The following SFXN4 variants were observed in gnomAD, a reference collection of about 807,000 sequenced individuals.
SFXN4 encodes sideroflexin-4.
SFXN4 carries 48 observed loss-of-function variants against 54.6 expected under a neutral mutation model. That is an observed-to-expected ratio of 0.88 (90% CI 0.70 to 1.12). SFXN4 has a LOEUF of 1.12. Among genes scored for constraint, SFXN4 ranks in the 50% most tolerant of loss-of-function variants. The pLI is 0.00. For synonymous variants in SFXN4, 130 were observed against 145.5 expected (o/e 0.89, Z 0.77); for missense variants, 383 against 409.2 (o/e 0.94, Z 0.55).
intron 6 of SFXN4, among the ~76,000 whole-genome samples, chr10:119,158,995 A>G (rs1847399986): frequency 6.7e-6 from 1 of 150,088 alleles, no homozygotes; most frequent in Admixed American, 6.6e-5. Flanking sequence ...AAAACAAAAA[A>G]CGGTCCAGGC....
At chr10:119,146,937 G>C (rs183863587) in intron 12 of SFXN4, among the ~76,000 whole-genome samples, 3 of 152,110 alleles carry the variant, frequency 2.0e-5, no homozygotes, top group African/African-American at 4.8e-5. Flanking sequence ...CCACACTGGT[G>C]GGGGGGATGT....
At chr10:119,162,273 T>G (rs998404402) in intron 3 of SFXN4, 67 bp downstream of exon 3, 2 of 1,295,264 alleles carry the variant, frequency 1.5e-6, no homozygotes, top group African/African-American at 3.0e-5. Flanking sequence ...AAATTCCACC[T>G]GACTTCAGAC....
intron 13 of SFXN4, 69 bp from the exon 14 acceptor site, chr10:119,141,388 A>G: frequency 2.0e-6 from 2 of 989,012 alleles, no homozygotes; most frequent in Non-Finnish European, 3.0e-6. Context: ...AAGTTAAAAA[A>G]ATCATTTTCT....
chr10:119,151,400 C>T (rs2133590719), intron 11 of SFXN4, among the ~76,000 whole-genome samples: 1 of 101,742 alleles, frequency 9.8e-6, no homozygotes, highest in South Asian at 3.2e-4. Flanking sequence ...AGAAGCAGAT[C>T]AGTGCCTCCC....
intron 12 of SFXN4, among the ~76,000 whole-genome samples, chr10:119,147,368 G>A (rs1846860447): frequency 6.6e-6 from 1 of 152,224 alleles, no homozygotes; most frequent in Non-Finnish European, 1.5e-5. Context: ...TAAAAGGGAT[G>A]GATCTGAATT....
intron 12 of SFXN4, among the ~76,000 whole-genome samples, chr10:119,147,389 G>A (rs1846861745): frequency 6.6e-6 from 1 of 152,212 alleles, no homozygotes. Flanking sequence ...CGGAGTCGCT[G>A]AAGCTCATTT....
Position 119,165,624 on chromosome 10 carries a change from T to C in SFXN4, c.24A>G (p.Glu8=). ...GTCCTAGGAGCCGCCCAGGTTGCGTTTCCTCCTCCTGTTCCAGGGACATTT... is the reference window on the plus strand; with the variant it reads ...GTCCTAGGAGCCGCCCAGGTTGCGTCTCCTCCTCCTGTTCCAGGGACATTT... MSLEQEE[E]TQPGRLLGRR... is the part of the protein sequence containing the mutation. The change falls in exon 1 of 14, where the codon GAA becomes GAG. Residue 8 remains glutamate, a synonymous_variant. Coordinates refer to ENST00000355697, the MANE Select transcript of SFXN4 (RefSeq NM_213649.2). 2 of 1,591,496 alleles carry C rather than the reference T, an allele frequency of 1.3e-6. No individual in the cohort carries two copies. Among genetic ancestry groups the C allele is most frequent in the Non-Finnish European group, 8.5e-7 (1 of 1,171,034 alleles).
chr10:119,148,151 G>A (rs910261452), intron 11 of SFXN4, among the ~76,000 whole-genome samples: 4 of 152,200 alleles, frequency 2.6e-5, no homozygotes, highest in East Asian at 3.9e-4. Context: ...CAGATTGGGC[G>A]ACGGAGTGAA....
chr10:119,150,207 C>A (rs1168884829), intron 11 of SFXN4, among the ~76,000 whole-genome samples: 1 of 152,000 alleles, frequency 6.6e-6, no homozygotes, highest in East Asian at 1.9e-4. Context: ...GCCCCTCATG[C>A]CAAAAATGAA....
chr10:119,153,421 GA>G (rs1564820512), intron 11 of SFXN4, among the ~76,000 whole-genome samples: 1 of 148,058 alleles, frequency 6.8e-6, no homozygotes. Context: ...AAAAAAGAAA[GA>G]AAAGAAAAAG....
intron 11 of SFXN4, among the ~76,000 whole-genome samples, chr10:119,149,508 G>A (rs1846964200): frequency 6.6e-6 from 1 of 152,156 alleles, no homozygotes; most frequent in South Asian, 2.1e-4. Context: ...CCAACACTTT[G>A]GGAGGCCAAG....
At chr10:119,152,810 T>C (rs1564820013) in intron 11 of SFXN4, among the ~76,000 whole-genome samples, 1 of 152,050 alleles carries the variant, frequency 6.6e-6, no homozygotes, top group Non-Finnish European at 1.5e-5. Flanking sequence ...TTTCTGAGCT[T>C]CCCTGCCACC....
At position 119,146,463 on chromosome 10, in the gene SFXN4, A is replaced by ATGTGTGTG. The variant is rs1564814749; in HGVS notation, c.819-111_819-110insCACACACA. The ATGTGTGTG allele has an allele frequency of 5.7e-6, 3 of 526,542 alleles. No homozygotes were observed. The African/African-American group carries it at 8.1e-5, about 14-fold the overall frequency. 32.6% of individuals were successfully genotyped at this position (526,542 alleles called of 1,614,324 possible). A position where few individuals can be genotyped will look rare whatever the true frequency, so the allele number is the denominator to read the frequency against. ...TGTGTGTGTGTGTGTGTGTGTGTGCACGTGTGTGTGTACCTGAACACCTGG... is the reference window on the plus strand; with the variant it reads ...TGTGTGTGTGTGTGTGTGTGTGTGCATGTGTGTGCGTGTGTGTGTACCTGAACACCTGG... On this transcript the variant is annotated intron_variant, in intron 12 of 13. Coordinates refer to ENST00000355697, the MANE Select transcript of SFXN4 (RefSeq NM_213649.2).
rs141880671 is a variant in SFXN4 at position 119,158,007 on chromosome 10, A to C, written c.414+2T>G. 1 of 1,614,122 alleles carries C rather than the reference A, an allele frequency of 6.2e-7. No homozygotes were observed. The highest frequency in any genetic ancestry group is 8.5e-7 in the Non-Finnish European group (1 of 1,179,932). ...TAATCGTGAAACAGGAAGAATGGCT[A>C]CCTGAGGTAAAATCACGGACTTGAT... On this transcript the variant is annotated splice_donor_variant, in intron 7 of 13. Coordinates refer to ENST00000355697, the MANE Select transcript of SFXN4 (RefSeq NM_213649.2). LOFTEE classifies it high-confidence loss of function.
At chr10:119,164,859 G>A (rs568166721) in intron 1 of SFXN4, among the ~76,000 whole-genome samples, 1 of 152,258 alleles carries the variant, frequency 6.6e-6, no homozygotes, top group South Asian at 2.1e-4. Context: ...GCCACATGCG[G>A]CTGAACCCAG....
chr10:119,165,434 G>C, intron 1 of SFXN4, 103 bp downstream of exon 1: 1 of 1,353,664 alleles, frequency 7.4e-7, no homozygotes, highest in Non-Finnish European at 9.5e-7. Context: ...ACGGAGACAG[G>C]GGGCGCCCAC....
At chr10:119,152,252 A>G (rs1847102721) in intron 11 of SFXN4, among the ~76,000 whole-genome samples, 1 of 150,720 alleles carries the variant, frequency 6.6e-6, no homozygotes, top group Non-Finnish European at 1.5e-5. Context: ...CCCCAGGGGA[A>G]AGCGCAAATG....
At chr10:119,157,324 G>A (rs1215370897) in intron 9 of SFXN4, among the ~76,000 whole-genome samples, 4 of 151,452 alleles carry the variant, frequency 2.6e-5, no homozygotes, top group African/African-American at 7.3e-5. Flanking sequence ...CCGGCTACTC[G>A]GAAGGCTGAG....
At chr10:119,164,767 C>A (rs1847699727) in intron 1 of SFXN4, among the ~76,000 whole-genome samples, 1 of 152,004 alleles carries the variant, frequency 6.6e-6, no homozygotes. Flanking sequence ...TCTCAATTTC[C>A]CCACCTAAAA....
Sources: gnomAD v4.1 joint callset for allele counts (sites outside exome capture counted in the v4.1 genomes callset) on GRCh38, gnomAD v4.1.1 for gene constraint, MANE v1.5 for transcripts, NCBI Gene and HGNC (gene_info 2026-07-23, HGNC 2026-07-21) for gene names.